Variants in FBXL7 observed in about 807,000 individuals in gnomAD.
FBXL7 encodes F-box and leucine rich repeat protein 7, also known as F-box/LRR-repeat protein 7.
FBXL7 carries 12 observed loss-of-function variants against 38.3 expected under a neutral mutation model. The ratio of observed to expected loss-of-function variants is 0.31; its 90% CI spans 0.20 to 0.51. FBXL7 has a LOEUF of 0.51. Ranked by LOEUF, FBXL7 falls within the 20% of genes least tolerant of loss-of-function variation. The pLI, the probability that FBXL7 is intolerant of heterozygous loss-of-function variation, is 0.98. For synonymous variants in FBXL7, 297 were observed against 300.9 expected (o/e 0.99, Z 0.13); for missense variants, 567 against 676.4 (o/e 0.84, Z 1.79).
intron 2 of FBXL7, among the ~76,000 whole-genome samples, chr5:15,641,964 T>TGA (rs1741381339): frequency 6.6e-6 from 1 of 151,682 alleles, no homozygotes; most frequent in African/African-American, 2.4e-5. Context: ...TGTGTGTGTG[T>TGA]GTGTGTGTGT....
intron 2 of FBXL7, among the ~76,000 whole-genome samples, chr5:15,690,238 T>C (rs1418814268): frequency 6.6e-6 from 1 of 152,226 alleles, no homozygotes; most frequent in African/African-American, 2.4e-5. Context: ...ATAATCAGTT[T>C]TATGGGTATA....
At chr5:15,822,622 C>CTTTTTT (rs371800054) in intron 2 of FBXL7, among the ~76,000 whole-genome samples, 7 of 131,802 alleles carry the variant, frequency 5.3e-5, no homozygotes, top group Non-Finnish European at 7.9e-5. Flanking sequence ...GCTGGTTGCT[C>CTTTTTT]TTTTTTTTTT....
intron 1 of FBXL7, among the ~76,000 whole-genome samples, chr5:15,545,285 A>C (rs189817637): frequency 2.0e-5 from 3 of 152,348 alleles, no homozygotes. Flanking sequence ...ACACTTTACT[A>C]GTTCTCCTAA....
intron 2 of FBXL7, among the ~76,000 whole-genome samples, chr5:15,657,461 A>C (rs979920277): frequency 2.6e-5 from 4 of 152,228 alleles, no homozygotes; most frequent in African/African-American, 9.6e-5. Context: ...TAATGAGGCC[A>C]TTATAAGTCA....
chr5:15,882,827 C>G (rs1740513988), intron 2 of FBXL7, among the ~76,000 whole-genome samples: 1 of 152,144 alleles, frequency 6.6e-6, no homozygotes, highest in Admixed American at 6.5e-5. Context: ...AGTGTGGGAT[C>G]ACCCGATGAG....
intron 2 of FBXL7, among the ~76,000 whole-genome samples, chr5:15,814,677 A>G (rs1737964073): frequency 1.3e-5 from 2 of 152,174 alleles, no homozygotes; most frequent in Non-Finnish European, 2.9e-5. Context: ...ATGTTCCATG[A>G]TCAGATTGGT....
At chr5:15,724,971 A>G (rs1389123562) in intron 2 of FBXL7, among the ~76,000 whole-genome samples, 1 of 152,192 alleles carries the variant, frequency 6.6e-6, no homozygotes, top group Non-Finnish European at 1.5e-5. Flanking sequence ...GTGTTCCAAT[A>G]AAACATTATT....
chr5:15,846,350 C>A (rs868855329), intron 2 of FBXL7, among the ~76,000 whole-genome samples: 8 of 152,112 alleles, frequency 5.3e-5, no homozygotes, highest in African/African-American at 1.9e-4. Flanking sequence ...TTATAAAAAT[C>A]TCTCCATGGC....
At chr5:15,630,360 G>A (rs1220542615) in intron 2 of FBXL7, among the ~76,000 whole-genome samples, 1 of 152,060 alleles carries the variant, frequency 6.6e-6, no homozygotes, top group East Asian at 1.9e-4. Context: ...TTCATCTGCT[G>A]ATATCTCAAA....
At chr5:15,537,388 A>C (rs1432157682) in intron 1 of FBXL7, among the ~76,000 whole-genome samples, 1 of 152,234 alleles carries the variant, frequency 6.6e-6, no homozygotes, top group Admixed American at 6.5e-5. Context: ...TCCAGACCAA[A>C]TACAGAGTTT....
At chr5:15,525,277 C>G (rs561527160) in intron 1 of FBXL7, among the ~76,000 whole-genome samples, 8 of 152,258 alleles carry the variant, frequency 5.3e-5, no homozygotes, top group Admixed American at 4.6e-4. Context: ...AGTCATGGAA[C>G]TATTTCTCTT....
intron 1 of FBXL7, among the ~76,000 whole-genome samples, chr5:15,547,300 A>G (rs937226654): frequency 1.3e-5 from 2 of 152,240 alleles, no homozygotes; most frequent in Non-Finnish European, 2.9e-5. Context: ...CCTCTTGGGA[A>G]AATTTCCCTT....
chr5:15,801,703 TCAA>T (rs1237610969), intron 2 of FBXL7, among the ~76,000 whole-genome samples: 3 of 151,524 alleles, frequency 2.0e-5, no homozygotes, highest in East Asian at 3.9e-4. Flanking sequence ...GTGTTGCACA[TCAA>T]CGTGGGACAG....
chr5:15,641,158 C>T (rs1295588943), intron 2 of FBXL7, among the ~76,000 whole-genome samples: 1 of 152,186 alleles, frequency 6.6e-6, no homozygotes, highest in Non-Finnish European at 1.5e-5. Context: ...TTATCTGTTT[C>T]TTTAGGTTCC....
At chr5:15,857,398 A>T (rs1434736940) in intron 2 of FBXL7, among the ~76,000 whole-genome samples, 3 of 152,242 alleles carry the variant, frequency 2.0e-5, no homozygotes, top group African/African-American at 7.2e-5. Flanking sequence ...GAAGCTGAGG[A>T]ACACAGAGAG....
intron 2 of FBXL7, among the ~76,000 whole-genome samples, chr5:15,886,908 A>T (rs576136934): frequency 6.6e-6 from 1 of 152,328 alleles, no homozygotes; most frequent in Admixed American, 6.5e-5. Context: ...TTAAAGTGCC[A>T]TGAAGATTTC....
intron 1 of FBXL7, among the ~76,000 whole-genome samples, chr5:15,611,397 G>A (rs1740231436): frequency 6.7e-6 from 1 of 150,028 alleles, no homozygotes; most frequent in African/African-American, 2.5e-5. Context: ...GAGCTGTATA[G>A]TGTTCCTAAG....
intron 1 of FBXL7, among the ~76,000 whole-genome samples, chr5:15,595,925 G>T (rs1739613020): frequency 6.6e-6 from 1 of 152,148 alleles, no homozygotes; most frequent in Non-Finnish European, 1.5e-5. Context: ...AGTCCCAGGG[G>T]TCCTATCTCA....
intron 2 of FBXL7, among the ~76,000 whole-genome samples, chr5:15,679,788 A>G (rs992102471): frequency 2.0e-5 from 3 of 152,142 alleles, no homozygotes; most frequent in Non-Finnish European, 1.5e-5. Context: ...GTCATGGAGA[A>G]CTTTGTACTA....
Sources: allele counts gnomAD v4.1 joint callset (sites outside exome capture counted in the v4.1 genomes callset), GRCh38; gene constraint gnomAD v4.1.1; transcripts MANE v1.5; gene names NCBI Gene and HGNC (gene_info 2026-07-23, HGNC 2026-07-21).